CCDC30: variants seen among roughly 807,000 people sequenced by gnomAD.
CCDC30 encodes the protein coiled-coil domain-containing protein 30.
CCDC30 carries 70 observed loss-of-function variants against 100.2 expected under a neutral mutation model. That is an observed-to-expected ratio of 0.70 (90% CI 0.58 to 0.85). CCDC30 has a LOEUF of 0.85. Among genes scored for constraint, CCDC30 ranks in the 40% least tolerant of loss-of-function variants. The pLI is 0.00. For missense variants in CCDC30, 652 were observed against 771.2 expected, an observed-to-expected ratio of 0.85 and a Z score of 1.83; for synonymous variants, 233 against 269.5, an observed-to-expected ratio of 0.86 and a Z score of 1.33.
intron 11 of CCDC30, among the ~76,000 whole-genome samples, chr1:42,630,744 A>G (rs939249489): frequency 6.6e-6 from 1 of 152,140 alleles, no homozygotes; most frequent in African/African-American, 2.4e-5. Context: ...CAATTCTGCT[A>G]TTAAATGACT....
upstream of CCDC30, among the ~76,000 whole-genome samples, chr1:42,462,125 C>G (rs1219867508): frequency 1.4e-5 from 2 of 141,948 alleles, no homozygotes; most frequent in South Asian, 4.2e-4. Flanking sequence ...TAAAAACAAT[C>G]AGTGTTCTAC....
chr1:42,537,062 T>G (rs774627450), intron 6 of CCDC30: 15 of 391,044 alleles, frequency 3.8e-5, no homozygotes, highest in Middle Eastern at 4.7e-4. Flanking sequence ...CACAATTCAG[T>G]CCATAGCACT....
chr1:42,511,962 A>G (rs866303599), intron 6 of CCDC30, among the ~76,000 whole-genome samples: 1 of 152,196 alleles, frequency 6.6e-6, no homozygotes. Context: ...GACAGCCTTG[A>G]ACAGAGATTT....
intron 15 of CCDC30, among the ~76,000 whole-genome samples, chr1:42,646,646 G>A (rs1186100498): frequency 6.6e-6 from 1 of 152,162 alleles, no homozygotes; most frequent in Non-Finnish European, 1.5e-5. Flanking sequence ...ATGTCCCCCA[G>A]GTCTCCTGGG....
At chr1:42,456,903 C>T in the CCDC30 span, 2 of 1,611,890 alleles carry the variant, frequency 1.2e-6, no homozygotes, top group Admixed American at 3.3e-5. Context: ...CCAGCCCTTT[C>T]GGGCTTGCTG....
At chr1:42,636,441 G>A (rs1308673431) in intron 11 of CCDC30, among the ~76,000 whole-genome samples, 1 of 151,948 alleles carries the variant, frequency 6.6e-6, no homozygotes, top group Non-Finnish European at 1.5e-5. Flanking sequence ...CAGACTCAAT[G>A]CAAGGACTGA....
chr1:42,585,210 A>C (rs1010176105), intron 9 of CCDC30, among the ~76,000 whole-genome samples: 2 of 152,136 alleles, frequency 1.3e-5, no homozygotes, highest in African/African-American at 4.8e-5. Flanking sequence ...TATCCTTTTA[A>C]TGTCCATGGA....
intron 4 of CCDC30, among the ~76,000 whole-genome samples, chr1:42,494,498 G>C (rs1433700798): frequency 1.3e-5 from 2 of 152,132 alleles, no homozygotes; most frequent in African/African-American, 4.8e-5. Flanking sequence ...AGCCAAAATT[G>C]ACAAATGGGA....
chr1:42,637,649 T>C (rs1241765852), intron 12 of CCDC30, among the ~76,000 whole-genome samples: 1 of 152,244 alleles, frequency 6.6e-6, no homozygotes, highest in African/African-American at 2.4e-5. Context: ...ATGCCTTTTC[T>C]TGAACACTCC....
intron 2 of CCDC30, 87 bp downstream of exon 2, chr1:42,480,653 G>T (rs1483676667): frequency 2.0e-6 from 2 of 976,038 alleles, no homozygotes; most frequent in Non-Finnish European, 1.2e-6. Context: ...ATTTTGTTAA[G>T]AAGAAATTGG....
rs529925333 is a variant in CCDC30, at chr1:42,553,505, A to C, written c.457-12791A>C. ...TTTCTCCATTTAAAAAAAAAATATG[A>C]AACTACTGGATGCAGTGGCTTACAC... On this transcript the variant is annotated intron_variant, in intron 6 of 16. Coordinates refer to ENST00000668663, the Ensembl canonical transcript of CCDC30. Among the ~76,000 whole-genome samples the C allele has an allele frequency of 9.2e-5, 14 of 152,208 alleles. 1 individual carries two copies. The highest frequency in any genetic ancestry group is 3.4e-4 in the African/African-American group (14 of 41,540).
intron 6 of CCDC30, among the ~76,000 whole-genome samples, chr1:42,562,326 G>A (rs181394173): frequency 1.7e-3 from 263 of 152,140 alleles, no homozygotes; most frequent in African/African-American, 6.0e-3. Context: ...TCTTATCTTC[G>A]ACAAACCTGA....
intron 9 of CCDC30, among the ~76,000 whole-genome samples, chr1:42,587,940 G>A (rs1646109368): frequency 6.6e-6 from 1 of 152,158 alleles, no homozygotes; most frequent in East Asian, 1.9e-4. Flanking sequence ...CAGGGAAAAA[G>A]GCTTTATTAG....
chr1:42,635,031 T>C (rs887759164), intron 11 of CCDC30, among the ~76,000 whole-genome samples: 1 of 152,178 alleles, frequency 6.6e-6, no homozygotes, highest in African/African-American at 2.4e-5. Flanking sequence ...TATAACATTG[T>C]ATGGATATAC....
upstream of CCDC30, among the ~76,000 whole-genome samples, chr1:42,461,290 A>G (rs1643403713): frequency 6.6e-6 from 1 of 152,210 alleles, no homozygotes; most frequent in East Asian, 1.9e-4. Context: ...AACAGAGGAA[A>G]AATACTGCAG....
At chr1:42,619,613 T>C (rs1646792086) in intron 11 of CCDC30, among the ~76,000 whole-genome samples, 1 of 97,638 alleles carries the variant, frequency 1.0e-5, no homozygotes, top group Non-Finnish European at 2.7e-5. Context: ...AAAGGTGGTC[T>C]TGTTATATAG....
exon 8 of CCDC30, chr1:42,577,020 A>C: frequency 6.2e-7 from 1 of 1,602,672 alleles, no homozygotes. Flanking sequence ...CTACCTCTAG[A>C]TAAAGATTGA....
chr1:42,599,800 T>C (rs2148622959), intron 10 of CCDC30, among the ~76,000 whole-genome samples: 1 of 152,324 alleles, frequency 6.6e-6, no homozygotes, highest in Admixed American at 6.5e-5. Flanking sequence ...GTAAGGGAAG[T>C]GTATTAGTCT....
chr1:42,639,798 T>C (rs1557484751), intron 12 of CCDC30, among the ~76,000 whole-genome samples: 2 of 152,134 alleles, frequency 1.3e-5, no homozygotes, highest in Non-Finnish European at 2.9e-5. Context: ...TTCCTTTTTT[T>C]GGTATATAAT....
Sources: gnomAD v4.1 joint callset for allele counts (sites outside exome capture counted in the v4.1 genomes callset) on GRCh38, gnomAD v4.1.1 for gene constraint, MANE v1.5 for transcripts, NCBI Gene and HGNC (gene_info 2026-07-23, HGNC 2026-07-21) for gene names.